ARL10: variants seen among roughly 807,000 people sequenced by gnomAD.
The protein encoded by ARL10 is ARF like GTPase 10.
A neutral mutation model predicts 26.1 loss-of-function variants in ARL10; 23 were observed. The ratio of observed to expected loss-of-function variants is 0.88; its 90% CI spans 0.63 to 1.25. The LOEUF is 1.25. ARL10 is among the 50% of genes most tolerant of loss of function. The probability of loss-of-function intolerance (pLI) is 0.00; values close to 1 mark genes in which losing one functional copy is unlikely to be tolerated. For missense variants in ARL10, 300 were observed against 323.6 expected, an observed-to-expected ratio of 0.93 and a Z score of 0.56; for synonymous variants, 138 against 149.1, an observed-to-expected ratio of 0.93 and a Z score of 0.54.
At chr5:176,386,766 G>A (rs774235020), downstream of ARL10, 4 of 1,305,184 alleles carry the variant, frequency 3.1e-6, no homozygotes, top group South Asian at 1.2e-5. Flanking sequence ...TGCAAAATGA[G>A]GACATCTTAG....
rs949446981 is a variant in ARL10 at position 176,378,037 on chromosome 5, T to A, written c.*6142T>A. On this transcript the variant is annotated 3_prime_UTR_variant, in exon 4 of 4. Transcript: ENST00000310389. ...TCAGCTTCCCAAAGTGCTGGGGTTATAGGGAAGAGCCACCGTGCCTGGCCA... is the reference window on the plus strand; with the variant it reads ...TCAGCTTCCCAAAGTGCTGGGGTTAAAGGGAAGAGCCACCGTGCCTGGCCA... 1 of 152,298 alleles carries A rather than the reference T, an allele frequency of 6.6e-6. No individual in the cohort carries two copies. The highest frequency in any genetic ancestry group is 1.5e-5 in the Non-Finnish European group (1 of 68,100). The allele number at this position is 152,298 out of a possible 1,614,324, so 9.4% of individuals were successfully genotyped here. A position where few individuals can be genotyped will look rare whatever the true frequency, so the allele number is the denominator to read the frequency against.
At chr5:176,391,699 T>C (rs1211345801), downstream of ARL10, among the ~76,000 whole-genome samples, 4 of 152,016 alleles carry the variant, frequency 2.6e-5, no homozygotes, top group Admixed American at 2.6e-4. Context: ...GGGGGCAGGA[T>C]TGGGGTGATG....
intron 1 of ARL10, among the ~76,000 whole-genome samples, chr5:176,397,109 C>T (rs141513546): frequency 9.9e-5 from 15 of 152,268 alleles, no homozygotes; most frequent in East Asian, 1.9e-4. Context: ...TCCTCTGCGC[C>T]CTTTGAGGAC....
In ARL10 at chr5:176,379,693, A is replaced by G. The variant is rs559011628; in HGVS notation, c.*7798A>G. 3 of 152,214 alleles carry G rather than the reference A, an allele frequency of 2.0e-5. No individual in the cohort carries two copies. Among genetic ancestry groups the G allele is most frequent in the Non-Finnish European group, 4.4e-5 (3 of 68,034 alleles). 9.4% of individuals were successfully genotyped at this position (152,214 alleles called of 1,614,324 possible). On this transcript the variant is annotated 3_prime_UTR_variant, in exon 4 of 4. Coordinates refer to ENST00000310389, the MANE Select transcript of ARL10 (RefSeq NM_173664.6). ...GAGCTCTATAATCTGAAACCGGTTC[A>G]TCTTTCTTTTGCCCACAAGATTATG...
chr5:176,412,492 CTG>C, the ARL10 span, among the ~76,000 whole-genome samples: 1 of 152,208 alleles, frequency 6.6e-6, no homozygotes, highest in Non-Finnish European at 1.5e-5. Flanking sequence ...TTGAGGCCTG[CTG>C]TTATCTGCAA....
downstream of ARL10, chr5:176,392,562 T>G (rs948916066): frequency 8.8e-6 from 5 of 568,384 alleles, no homozygotes; most frequent in African/African-American, 9.4e-5. This position sits in a 1 kb window ranked among gnomAD's most constrained non-coding sequence, Gnocchi z 5.2. Flanking sequence ...CACAATTGAG[T>G]AGACTGAGAG....
At chr5:176,383,951 T>C (rs1025215430), downstream of ARL10, 1 of 1,489,114 alleles carries the variant, frequency 6.7e-7, no homozygotes, top group African/African-American at 1.4e-5. Context: ...AGAAGTAAAA[T>C]ATATTTGCTT....
At chr5:176,397,390 C>T (rs1318714800) in intron 1 of ARL10, among the ~76,000 whole-genome samples, 3 of 142,336 alleles carry the variant, frequency 2.1e-5, no homozygotes, top group Admixed American at 7.0e-5. Context: ...CCCACAGCTC[C>T]CTCTCATGTC....
In ARL10 at chr5:176,374,367, A is replaced by C. The variant is rs1027095287; in HGVS notation, c.*2472A>C. The C allele has an allele frequency of 6.6e-6, 1 of 152,200 alleles. No homozygotes were observed. The highest frequency in any genetic ancestry group is 2.4e-5 in the African/African-American group (1 of 41,454). 9.4% of individuals were successfully genotyped at this position (152,200 alleles called of 1,614,324 possible). The stretch of plus-strand genomic sequence containing the variant: ...TGGAACTCACAGTTTACAATGTTAA[A>C]TCAGTTAGCGGATTCTGTATGTCTT... On this transcript the variant is annotated 3_prime_UTR_variant, in exon 4 of 4. Transcript: ENST00000310389.
chr5:176,392,749 C>CTG (rs770867733), downstream of ARL10: 9 of 1,612,242 alleles, frequency 5.6e-6, no homozygotes, highest in South Asian at 9.9e-5. The surrounding 1 kb of genome is among the most constrained non-coding windows in gnomAD (Gnocchi z 5.2). Context: ...AGCCCATGCT[C>CTG]TGTGGCCATG....
chr5:176,381,995 T>C (rs903842392), downstream of ARL10: 5 of 152,234 alleles, frequency 3.3e-5, no homozygotes, highest in Admixed American at 1.3e-4. Context: ...GTGTCACCGC[T>C]CTCTGATACT....
At position 176,375,771 on chromosome 5, in the gene ARL10, G is replaced by T. The variant is rs1242531190; in HGVS notation, c.*3876G>T. 1.3e-5 allele frequency: 2 copies of T among 152,146 alleles called. No homozygotes were observed. Among genetic ancestry groups the T allele is most frequent in the Non-Finnish European group, 2.9e-5 (2 of 68,016 alleles). The allele number at this position is 152,146 out of a possible 1,614,324, so 9.4% of individuals were successfully genotyped here. A position where few individuals can be genotyped will look rare whatever the true frequency, so the allele number is the denominator to read the frequency against. On this transcript the variant is annotated 3_prime_UTR_variant, in exon 4 of 4. Transcript: ENST00000310389. ...CACAGCTCCTAAACAAGGTCCAGTG[G>T]GCAACTTATTTTTATGTGGTCCCTT...
rs1393523472 is a variant in ARL10, at chr5:176,374,214, G to A, written c.*2319G>A. 1 of 152,202 alleles carries A rather than the reference G, an allele frequency of 6.6e-6. No homozygotes were observed. The highest frequency in any genetic ancestry group is 1.5e-5 in the Non-Finnish European group (1 of 68,036). The allele number at this position is 152,202 out of a possible 1,614,324, so 9.4% of individuals were successfully genotyped here. On this transcript the variant is annotated 3_prime_UTR_variant, in exon 4 of 4. Coordinates refer to ENST00000310389, the MANE Select transcript of ARL10 (RefSeq NM_173664.6). The stretch of plus-strand genomic sequence containing the variant: ...GTTAAGTTACAATTCACTGTGTACA[G>A]AGGCAGCTTTAGGCCAGACTTAATT...
downstream of ARL10, among the ~76,000 whole-genome samples, chr5:176,392,012 T>TA (rs1248870041): frequency 1.2e-4 from 19 of 152,228 alleles, no homozygotes; most frequent in Non-Finnish European, 2.1e-4. This position sits in a 1 kb window ranked among gnomAD's most constrained non-coding sequence, Gnocchi z 5.2. Context: ...ACTGGTTGTT[T>TA]ATCCAAAATC....
downstream of ARL10, among the ~76,000 whole-genome samples, chr5:176,403,582 T>C (rs1163467344): frequency 2.0e-5 from 3 of 151,292 alleles, no homozygotes; most frequent in Non-Finnish European, 2.9e-5. Context: ...GCCTCCCCAG[T>C]TGCTGAGATT....
At chr5:176,390,974 C>T (rs1341460463), downstream of ARL10, among the ~76,000 whole-genome samples, 1 of 152,208 alleles carries the variant, frequency 6.6e-6, no homozygotes, top group East Asian at 1.9e-4. Context: ...GTGGTCAGCG[C>T]TCCTCAAATG....
At chr5:176,369,990 C>T (rs1331444193) in intron 3 of ARL10, among the ~76,000 whole-genome samples, 6 of 150,466 alleles carry the variant, frequency 4.0e-5, no homozygotes, top group African/African-American at 1.5e-4. Context: ...GGAATTGGGA[C>T]GTGTAATGCT....
At chr5:176,371,180 G>T (rs979149358) in intron 3 of ARL10, among the ~76,000 whole-genome samples, 3 of 152,164 alleles carry the variant, frequency 2.0e-5, no homozygotes. Flanking sequence ...TTCGAGACCA[G>T]CCTGGCCAGC....
intron 3 of ARL10, 36 bp from the exon 4 acceptor site, chr5:176,371,686 C>G: frequency 6.3e-7 from 1 of 1,590,566 alleles, no homozygotes; most frequent in Non-Finnish European, 8.6e-7. Context: ...TTAGGAAATG[C>G]TGCCAGCTGT....
Sources: allele counts gnomAD v4.1 joint callset (sites outside exome capture counted in the v4.1 genomes callset), GRCh38; gene constraint gnomAD v4.1.1; non-coding constraint Gnocchi (gnomAD v3.1); transcripts MANE v1.5; gene names NCBI Gene and HGNC (gene_info 2026-07-23, HGNC 2026-07-21).